CLK1: variants seen among roughly 807,000 people sequenced by gnomAD.
CLK1 encodes the protein dual specificity protein kinase CLK1.
A neutral mutation model predicts 60.9 loss-of-function variants in CLK1; 40 were observed. The observed-to-expected ratio is 0.66, with a 90% CI of 0.51 to 0.86. The LOEUF (loss-of-function observed/expected upper bound fraction) is 0.86. Ranked by LOEUF, CLK1 falls within the 40% of genes least tolerant of loss-of-function variation. CLK1 has a pLI of 0.00. For synonymous variants in CLK1, 203 were observed against 184.4 expected (o/e 1.10, Z -0.82); for missense variants, 563 against 606.1 (o/e 0.93, Z 0.75).
At chr2:200,861,633 ATTTT>A in intron 2 of CLK1, 65 bp downstream of exon 2, 3 of 1,581,270 alleles carry the variant, frequency 1.9e-6, no homozygotes, top group Non-Finnish European at 2.6e-6. Context: ...TCAGGTACTT[ATTTT>A]AAGTGATACT....
chr2:200,864,251 A>G (rs949354393), intron 1 of CLK1: 1 of 1,528,972 alleles, frequency 6.5e-7, no homozygotes, highest in Non-Finnish European at 8.8e-7. Flanking sequence ...GAGGCGGTTC[A>G]CAACATGGCG....
chr2:200,864,531 C>T (rs970933968), intron 1 of CLK1, 33 bp downstream of exon 1: 1 of 386,818 alleles, frequency 2.6e-6, no homozygotes, highest in Admixed American at 4.7e-5. Flanking sequence ...AGGAACGGCC[C>T]TGTCACCTAG....
At chr2:200,855,942 G>C (rs2039033265) in intron 9 of CLK1, among the ~76,000 whole-genome samples, 1 of 151,268 alleles carries the variant, frequency 6.6e-6, no homozygotes, top group Non-Finnish European at 1.5e-5. Context: ...CCAGGAGGCA[G>C]AAGTTGCAGT....
intron 3 of CLK1, 171 bp downstream of exon 3, chr2:200,861,067 A>G (rs1234764335): frequency 3.7e-5 from 52 of 1,419,428 alleles, no homozygotes; most frequent in Non-Finnish European, 4.7e-5. Flanking sequence ...CTAAATGTGT[A>G]CTTTATTTCC....
At chr2:200,856,458 A>G (rs1464799560) in intron 9 of CLK1, among the ~76,000 whole-genome samples, 1 of 152,114 alleles carries the variant, frequency 6.6e-6, no homozygotes, top group East Asian at 1.9e-4. Context: ...CCTACCACAT[A>G]TTACAAATGT....
chr2:200,864,237 C>T, intron 1 of CLK1: 3 of 1,541,116 alleles, frequency 1.9e-6, no homozygotes, highest in South Asian at 1.2e-5. Context: ...CTTACAGCTC[C>T]GCCGAGGCGG....
In CLK1 at chr2:200,860,213, C is replaced by G; in HGVS notation, c.393G>C (p.Lys131Asn). 1 of 1,614,038 alleles carries G rather than the reference C, an allele frequency of 6.2e-7. No individual in the cohort carries two copies. Among genetic ancestry groups the G allele is most frequent in the Non-Finnish European group, 8.5e-7 (1 of 1,179,996 alleles). ...HSTSHRRSHG[K>N]SHRRKRTRSV... ...TCCTGGTTCTTTTCCTTCGGTGACTCTTCTGGAAACGTCAAGTGGGCGGCA... is the reference window on the plus strand; with the variant it reads ...TCCTGGTTCTTTTCCTTCGGTGACTGTTCTGGAAACGTCAAGTGGGCGGCA... Residue 131 changes from lysine (K) to asparagine (N), a missense_variant and splice_region_variant, in exon 4 of 13, where the codon AAG becomes AAC. By Grantham distance (94) the Lys-to-Asn change is moderately conservative. Transcript: ENST00000321356.
rs565688434 is a variant in CLK1 at position 200,853,459 on chromosome 2, A to C, written c.1312-10T>G. 2 of 1,602,102 alleles carry C rather than the reference A, an allele frequency of 1.2e-6. No individual in the cohort carries two copies. Among genetic ancestry groups the C allele is most frequent in the South Asian group, 2.2e-5 (2 of 89,398 alleles). On this transcript the variant is annotated splice_polypyrimidine_tract_variant and intron_variant, in intron 12 of 12. Coordinates refer to ENST00000321356, the MANE Select transcript of CLK1 (RefSeq NM_004071.4). Reference sequence around the variant, plus strand: ...GAGAAAGCATAAATTCCTGGAAGAAAAAAAGAAATTCATTCAACAGCCTTT... The same window carrying C: ...GAGAAAGCATAAATTCCTGGAAGAACAAAAGAAATTCATTCAACAGCCTTT...
chr2:200,860,011 T>A, intron 4 of CLK1, 114 bp downstream of exon 4: 10 of 1,465,368 alleles, frequency 6.8e-6, no homozygotes, highest in East Asian at 2.5e-5. Context: ...AATGGAAAAA[T>A]AAAACAAAAA....
intron 2 of CLK1, 50 bp from the exon 3 acceptor site, chr2:200,861,516 C>T: frequency 1.9e-6 from 3 of 1,596,296 alleles, no homozygotes; most frequent in Non-Finnish European, 2.6e-6. Context: ...ACCAAATATC[C>T]TCACATTCTC....
intron 5 of CLK1, 61 bp downstream of exon 5, chr2:200,859,619 G>T: frequency 7.2e-7 from 1 of 1,381,944 alleles, no homozygotes; most frequent in Non-Finnish European, 1.0e-6. Flanking sequence ...ACTTTCTAAA[G>T]CTAAATCAAT....
rs1306298797 is a variant in CLK1 at position 200,853,434 on chromosome 2, G to C, written c.1327C>G (p.Gln443Glu). The change falls in exon 13 of 13, where the codon CAA becomes GAA. Residue 443 changes from glutamine (Q) to glutamate (E), a missense_variant. This residue lies in a region of CLK1 where 360 missense variants were observed against 407.0 expected (regional missense o/e 0.88). Coordinates refer to ENST00000321356, the MANE Select transcript of CLK1 (RefSeq NM_004071.4). ...CKPLKEFMLSQDVEHERLFDL... is the reference protein window; with the variant it reads ...CKPLKEFMLSEDVEHERLFDL... ...AAGAGACGCTCATGTTCAACATCTT[G>C]AGAAAGCATAAATTCCTGGAAGAAA... The C allele has an allele frequency of 1.2e-6, 2 of 1,600,644 alleles. No individual in the cohort carries two copies. The highest frequency in any genetic ancestry group is 1.4e-5 in the African/African-American group (1 of 73,914).
chr2:200,862,112 A>G (rs931773751), intron 1 of CLK1, among the ~76,000 whole-genome samples: 2 of 151,914 alleles, frequency 1.3e-5, no homozygotes, highest in Non-Finnish European at 2.9e-5. Flanking sequence ...AAAAAAAAAA[A>G]AAAGTGAAAA....
At position 200,859,730 on chromosome 2, in the gene CLK1, A is replaced by G. The variant is rs1254035374; in HGVS notation, c.498T>C (p.Thr166=). 6.8e-6 allele frequency: 11 copies of G among 1,613,632 alleles called. No individual in the cohort carries two copies. The South Asian group carries it at 1.1e-4, about 16-fold the overall frequency. Reference sequence around the variant, plus strand: ...CTTTTCCAAAAGCTCCTTCACCTAAAGTATCAACAATTTCATCTAAAAGAG... The same window carrying G: ...CTTTTCCAAAAGCTCCTTCACCTAAGGTATCAACAATTTCATCTAAAAGAG... ...VLSARYEIVD[T]LGEGAFGKVV... Residue 166 remains threonine (T), a synonymous_variant, in exon 5 of 13, where the codon ACT becomes ACC. Transcript: ENST00000321356.
Position 200,855,061 on chromosome 2 carries a change from A to T in CLK1, c.1083T>A (p.Asp361Glu). The change falls in exon 10 of 13, where the codon GAT (aspartate) becomes GAA (glutamate). Residue 361 changes from aspartate (D) to glutamate (E), a missense_variant. Coordinates refer to ENST00000321356, the MANE Select transcript of CLK1 (RefSeq NM_004071.4). ...ILALGWSQPC[D>E]VWSIGCILIE... ...TAAGAATGCATCCTATGCTCCAGAC[A>T]TCACATGGTTGGGACCACCCTAGGG... The T allele has an allele frequency of 6.2e-7, 1 of 1,612,770 alleles. No homozygotes were observed. The highest frequency in any genetic ancestry group is 8.5e-7 in the Non-Finnish European group (1 of 1,179,614).
chr2:200,864,324 G>C (rs970980852), intron 1 of CLK1: 4 of 1,423,916 alleles, frequency 2.8e-6, no homozygotes, highest in Non-Finnish European at 3.7e-6. Flanking sequence ...AGCTCCAAGA[G>C]GGCGGCCGGC....
At position 200,856,842 on chromosome 2, in the gene CLK1, A is replaced by C. The variant is rs145981701; in HGVS notation, c.928-31T>G. On this transcript the variant is annotated intron_variant, in intron 8 of 12. Transcript: ENST00000321356. ...AATCATAAATGATGGTTAAGAAGGC[A>C]TAAGCTATTAAGGCATAAGATACTT... 38 of 1,613,400 alleles carry C rather than the reference A, an allele frequency of 2.4e-5. No homozygotes were observed. In the African/African-American group the frequency reaches 4.0e-4, roughly 17 times the overall value.
chr2:200,853,658 T>C (rs952646952), intron 12 of CLK1, among the ~76,000 whole-genome samples: 1 of 95,024 alleles, frequency 1.1e-5, no homozygotes, highest in Non-Finnish European at 2.0e-5. Flanking sequence ...CAGGCCAACA[T>C]AGTAAAACTT....
rs147232813 is a variant in CLK1 at position 200,857,725 on chromosome 2, A to C, written c.825T>G (p.Ser275=). 1,046 of 1,589,420 alleles carry C rather than the reference A, an allele frequency of 6.6e-4. 2 individuals are homozygous for C. Among genetic ancestry groups the C allele is most frequent in the Non-Finnish European group, 8.7e-4 (1,021 of 1,168,360 alleles). Residue 275 remains serine (S), a synonymous_variant, in exon 7 of 13, where the codon TCT becomes TCG. Coordinates refer to ENST00000321356, the MANE Select transcript of CLK1 (RefSeq NM_004071.4). ...IRKMAYQICK[S]VNFLHSNKLT... is the part of the protein sequence containing the mutation. ...GATATACCAAGAACTTACAATTCAC[A>C]GACTTGCATATCTGATATGCCATCT...
Sources: allele counts gnomAD v4.1 joint callset (sites outside exome capture counted in the v4.1 genomes callset), GRCh38; gene constraint gnomAD v4.1.1; regional missense constraint gnomAD v4.1.1; transcripts MANE v1.5; gene names NCBI Gene and HGNC (gene_info 2026-07-23, HGNC 2026-07-21).